The following ENTREP2 variants were observed in gnomAD, a reference collection of about 807,000 sequenced individuals.
The protein encoded by ENTREP2 is endosomal transmembrane epsin interactor 2.
chr15:29,139,089 G>C, the ENTREP2 span, among the ~76,000 whole-genome samples: 1 of 152,150 alleles, frequency 6.6e-6, no homozygotes, highest in African/African-American at 2.4e-5. Flanking sequence ...AGGGTGGGCT[G>C]GAGCTGACAG....
chr15:29,516,490 A>G, the ENTREP2 span, among the ~76,000 whole-genome samples: 4 of 152,188 alleles, frequency 2.6e-5, no homozygotes, highest in African/African-American at 7.2e-5. Context: ...GTACACAACA[A>G]TACTACCTGT....
the ENTREP2 span, among the ~76,000 whole-genome samples, chr15:29,145,955 C>T: frequency 6.6e-6 from 1 of 152,118 alleles, no homozygotes; most frequent in African/African-American, 2.4e-5. Flanking sequence ...AAAATGAGTT[C>T]AGCATGGTTT....
the ENTREP2 span, among the ~76,000 whole-genome samples, chr15:29,548,291 T>G: frequency 6.6e-6 from 1 of 151,654 alleles, no homozygotes; most frequent in Non-Finnish European, 1.5e-5. Flanking sequence ...CCATCTCTAC[T>G]AAAAAACTAC....
the ENTREP2 span, among the ~76,000 whole-genome samples, chr15:29,615,504 AAGAGGGAG>A: frequency 6.6e-6 from 1 of 152,066 alleles, no homozygotes; most frequent in Non-Finnish European, 1.5e-5. Flanking sequence ...AAAGGAGATT[AAGAGGGAG>A]AGATCTGCCT....
the ENTREP2 span, among the ~76,000 whole-genome samples, chr15:29,248,543 GAGA>G: frequency 6.6e-6 from 1 of 151,786 alleles, no homozygotes; most frequent in Admixed American, 6.6e-5. Context: ...AGACAAAACA[GAGA>G]AGAAAATAAA....
At chr15:29,227,930 G>A in the ENTREP2 span, among the ~76,000 whole-genome samples, 1 of 152,086 alleles carries the variant, frequency 6.6e-6, no homozygotes, top group East Asian at 1.9e-4. Context: ...AAGTCAACAG[G>A]ATTGAGACTA....
the ENTREP2 span, among the ~76,000 whole-genome samples, chr15:29,534,166 T>C: frequency 3.0e-5 from 4 of 134,924 alleles, no homozygotes; most frequent in African/African-American, 8.1e-5. Context: ...CTCTCCTTCC[T>C]AATCAGGAGC....
chr15:29,128,721 A>C, the ENTREP2 span: 1 of 1,138,160 alleles, frequency 8.8e-7, no homozygotes, highest in Non-Finnish European at 1.3e-6. Flanking sequence ...GAATAGGACG[A>C]GGACGAAAAA....
At chr15:29,608,380 C>T in the ENTREP2 span, among the ~76,000 whole-genome samples, 1 of 151,882 alleles carries the variant, frequency 6.6e-6, no homozygotes, top group Non-Finnish European at 1.5e-5. Context: ...GGAAACTGCT[C>T]CTTCCTTTCT....
chr15:29,167,518 A>G, the ENTREP2 span, among the ~76,000 whole-genome samples: 1 of 152,242 alleles, frequency 6.6e-6, no homozygotes, highest in African/African-American at 2.4e-5. Context: ...ACATGAACAG[A>G]CAATTCTCAA....
the ENTREP2 span, among the ~76,000 whole-genome samples, chr15:29,347,173 C>CCTTT: frequency 7.9e-5 from 12 of 151,606 alleles, no homozygotes; most frequent in Admixed American, 2.6e-4. Flanking sequence ...GGTTTCTTTT[C>CCTTT]CTTTCTTTCT....
chr15:29,276,856 A>C, the ENTREP2 span, among the ~76,000 whole-genome samples: 1 of 152,220 alleles, frequency 6.6e-6, no homozygotes, highest in African/African-American at 2.4e-5. Context: ...GTAAGAAATG[A>C]GACTTTGGAG....
the ENTREP2 span, among the ~76,000 whole-genome samples, chr15:29,552,487 T>G: frequency 6.6e-6 from 1 of 152,018 alleles, no homozygotes; most frequent in Non-Finnish European, 1.5e-5. Context: ...TAGTCCCAGC[T>G]ATTCGGGAGG....
chr15:29,274,455 A>C, the ENTREP2 span, among the ~76,000 whole-genome samples: 1 of 152,070 alleles, frequency 6.6e-6, no homozygotes. Context: ...TGAAAAAGTA[A>C]GGGCTTTGGG....
the ENTREP2 span, among the ~76,000 whole-genome samples, chr15:29,504,634 G>A: frequency 1.3e-5 from 2 of 152,184 alleles, no homozygotes; most frequent in East Asian, 3.9e-4. Flanking sequence ...TTTATACTTA[G>A]GATTCTTAGG....
the ENTREP2 span, among the ~76,000 whole-genome samples, chr15:29,505,751 C>T: frequency 2.1e-4 from 32 of 152,186 alleles, no homozygotes; most frequent in African/African-American, 7.0e-4. This position sits in a 1 kb window ranked among gnomAD's most constrained non-coding sequence, Gnocchi z 4.3. Flanking sequence ...AAACACCATC[C>T]GAGGGTCACC....
At chr15:29,498,840 T>C in the ENTREP2 span, among the ~76,000 whole-genome samples, 1 of 152,198 alleles carries the variant, frequency 6.6e-6, no homozygotes, top group Non-Finnish European at 1.5e-5. Context: ...TGGTCTGATG[T>C]TGGGTACATA....
the ENTREP2 span, among the ~76,000 whole-genome samples, chr15:29,518,154 T>C: frequency 6.6e-6 from 1 of 152,084 alleles, no homozygotes; most frequent in East Asian, 1.9e-4. Context: ...TACAGCGAGC[T>C]ATGATTGCTA....
At chr15:29,654,637 T>A in the ENTREP2 span, among the ~76,000 whole-genome samples, 3 of 152,344 alleles carry the variant, frequency 2.0e-5, 1 homozygote, top group African/African-American at 7.2e-5. Flanking sequence ...TATCTCTATG[T>A]AAGGTATCTT....
Sources: allele counts gnomAD v4.1 joint callset (sites outside exome capture counted in the v4.1 genomes callset), GRCh38; gene constraint gnomAD v4.1.1; non-coding constraint Gnocchi (gnomAD v3.1); transcripts MANE v1.5; gene names NCBI Gene and HGNC (gene_info 2026-07-23, HGNC 2026-07-21).